The following ARMC2 variants were observed in gnomAD, a reference collection of about 807,000 sequenced individuals.
ARMC2 encodes the protein armadillo repeat containing 2.
In ARMC2, 67 loss-of-function variants were observed where a neutral mutation model predicts 90.3. That is an observed-to-expected ratio of 0.74 (90% CI 0.61 to 0.91). ARMC2 has a LOEUF of 0.91. Ranked by LOEUF, ARMC2 falls within the 40% of genes least tolerant of loss-of-function variation. The pLI is 0.00. For missense variants in ARMC2, 920 were observed against 1,030.9 expected, an observed-to-expected ratio of 0.89 and a Z score of 1.47; for synonymous variants, 393 against 393.0, an observed-to-expected ratio of 1.00 and a Z score of 0.00.
chr6:109,039,230 T>C, the ARMC2 span, among the ~76,000 whole-genome samples: 2 of 151,998 alleles, frequency 1.3e-5, no homozygotes, highest in African/African-American at 2.4e-5. Flanking sequence ...CTATAGAGGG[T>C]AGGGAAGACC....
chr6:108,927,770 G>T (rs192555916), intron 10 of ARMC2, among the ~76,000 whole-genome samples: 1 of 152,194 alleles, frequency 6.6e-6, no homozygotes, highest in East Asian at 1.9e-4. Context: ...AACTGATGTG[G>T]CTATCACAGG....
chr6:108,982,708 A>C, the ARMC2 span, among the ~76,000 whole-genome samples: 3 of 151,504 alleles, frequency 2.0e-5, no homozygotes, highest in South Asian at 4.2e-4. Context: ...ATTGATTTAC[A>C]TTTTTTATAA....
chr6:108,916,556 C>T (rs1237936145), intron 10 of ARMC2, among the ~76,000 whole-genome samples: 4 of 152,196 alleles, frequency 2.6e-5, no homozygotes, highest in African/African-American at 9.7e-5. Context: ...TGTGCATGTT[C>T]ACTGAACTCC....
chr6:108,976,572 T>C (rs1240612941), downstream of ARMC2, among the ~76,000 whole-genome samples: 5 of 152,230 alleles, frequency 3.3e-5, no homozygotes, highest in Admixed American at 6.5e-5. Flanking sequence ...GGGGATAGCA[T>C]TGAATCTATA....
chr6:108,937,719 G>A (rs1776066845), intron 12 of ARMC2, among the ~76,000 whole-genome samples: 1 of 151,296 alleles, frequency 6.6e-6, no homozygotes, highest in African/African-American at 2.4e-5. Context: ...TTTTTGAGAC[G>A]AGTCTCACTC....
the ARMC2 span, chr6:108,987,711 A>G: frequency 1.3e-6 from 1 of 750,204 alleles, no homozygotes; most frequent in Non-Finnish European, 2.3e-6. Flanking sequence ...ATGAACACAT[A>G]AAATAAGTAC....
At chr6:109,036,613 TGATATGA>T in the ARMC2 span, among the ~76,000 whole-genome samples, 1 of 152,196 alleles carries the variant, frequency 6.6e-6, no homozygotes, top group South Asian at 2.1e-4. Flanking sequence ...CACTATAATA[TGATATGA>T]TAAAAAAAAT....
chr6:108,859,628 T>C (rs942179842), intron 3 of ARMC2, among the ~76,000 whole-genome samples: 6 of 152,230 alleles, frequency 3.9e-5, no homozygotes, highest in African/African-American at 1.4e-4. Flanking sequence ...TAAACATGGA[T>C]ATTAATTGAA....
chr6:108,945,942 C>T (rs1045448123), intron 12 of ARMC2, among the ~76,000 whole-genome samples: 1 of 152,238 alleles, frequency 6.6e-6, no homozygotes, highest in Admixed American at 6.5e-5. Flanking sequence ...TCCTCTGCCT[C>T]CTGCCTGACA....
intron 5 of ARMC2, among the ~76,000 whole-genome samples, chr6:108,877,271 G>A (rs1777031842): frequency 6.6e-6 from 1 of 152,206 alleles, no homozygotes; most frequent in African/African-American, 2.4e-5. Context: ...TTTCGGGTCT[G>A]ACTTTGGCTT....
chr6:108,933,757 A>C (rs1007268017), intron 11 of ARMC2, among the ~76,000 whole-genome samples: 1 of 152,044 alleles, frequency 6.6e-6, no homozygotes, highest in Non-Finnish European at 1.5e-5. Context: ...TTTCATGGGG[A>C]ATGCTTCCAG....
At chr6:108,854,553 T>C in intron 2 of ARMC2, 68 bp downstream of exon 2, 1 of 1,428,322 alleles carries the variant, frequency 7.0e-7, no homozygotes, top group Admixed American at 2.0e-5. Context: ...CCCTTAATTC[T>C]ACTTAAGGTT....
chr6:109,001,706 AG>A, the ARMC2 span, among the ~76,000 whole-genome samples: 1 of 152,200 alleles, frequency 6.6e-6, no homozygotes, highest in African/African-American at 2.4e-5. Context: ...TGAACATTAA[AG>A]GCCATCTAGA....
the ARMC2 span, among the ~76,000 whole-genome samples, chr6:109,047,777 G>A: frequency 4.9e-5 from 7 of 143,306 alleles, no homozygotes; most frequent in African/African-American, 1.8e-4. Context: ...TTGGGATCCT[G>A]TTGATCTGTG....
At chr6:109,000,538 T>C in the ARMC2 span, 3 of 1,611,032 alleles carry the variant, frequency 1.9e-6, no homozygotes, top group East Asian at 2.2e-5. Context: ...GCTAACACTT[T>C]GTTAAGTTCT....
chr6:109,021,662 G>A, the ARMC2 span, among the ~76,000 whole-genome samples: 320 of 152,000 alleles, frequency 2.1e-3, no homozygotes, highest in Admixed American at 4.6e-3. Flanking sequence ...GGCTGGTCTC[G>A]AACTCCTGAC....
intron 17 of ARMC2, among the ~76,000 whole-genome samples, chr6:108,965,351 A>G (rs1778284196): frequency 7.0e-6 from 1 of 143,708 alleles, no homozygotes; most frequent in Admixed American, 7.1e-5. Flanking sequence ...CATTAGATAC[A>G]TTCATGATTT....
the ARMC2 span, among the ~76,000 whole-genome samples, chr6:108,988,139 T>C: frequency 6.6e-6 from 1 of 152,210 alleles, no homozygotes; most frequent in Non-Finnish European, 1.5e-5. Context: ...TATTTTATCA[T>C]GTTTCTTGGA....
chr6:109,025,001 G>C, the ARMC2 span, among the ~76,000 whole-genome samples: 2 of 152,166 alleles, frequency 1.3e-5, no homozygotes, highest in Non-Finnish European at 2.9e-5. Context: ...TAGGGAGACA[G>C]TGAGCACTAA....
Sources: allele counts gnomAD v4.1 joint callset (sites outside exome capture counted in the v4.1 genomes callset), GRCh38; gene constraint gnomAD v4.1.1; transcripts MANE v1.5; gene names NCBI Gene and HGNC (gene_info 2026-07-23, HGNC 2026-07-21).